The following ACSM2B variants were observed in gnomAD, a reference collection of about 807,000 sequenced individuals.
ACSM2B encodes acyl-CoA synthetase medium chain family member 2B.
A neutral mutation model predicts 78.6 loss-of-function variants in ACSM2B; 58 were observed. The observed-to-expected ratio is 0.74, with a 90% confidence interval of 0.60 to 0.92. The LOEUF is 0.92. Ranked by LOEUF, ACSM2B falls within the 40% of genes least tolerant of loss-of-function variation. The pLI, the probability that ACSM2B is intolerant of heterozygous loss-of-function variation, is 0.00. For missense variants in ACSM2B, 688 were observed against 711.2 expected, an observed-to-expected ratio of 0.97 and a Z score of 0.37; for synonymous variants, 257 against 256.8, an observed-to-expected ratio of 1.00 and a Z score of -0.01.
At chr16:20,546,985 C>T (rs1177656366) in intron 8 of ACSM2B, 7 of 416,384 alleles carry the variant, frequency 1.7e-5, no homozygotes, top group African/African-American at 2.1e-5. Flanking sequence ...AAAGTATCTC[C>T]CATGGCAGCA....
intron 7 of ACSM2B, 85 bp from the exon 8 acceptor site, chr16:20,548,270 A>G (rs1044651606): frequency 3.0e-5 from 49 of 1,608,910 alleles, no homozygotes; most frequent in Non-Finnish European, 4.0e-5. Flanking sequence ...GGGTGCTTTG[A>G]TGATGCAAAT....
intron 1 of ACSM2B, among the ~76,000 whole-genome samples, chr16:20,570,180 T>G (rs2016054546): frequency 6.6e-6 from 1 of 151,854 alleles, no homozygotes; most frequent in Non-Finnish European, 1.5e-5. Context: ...CATTCACTAT[T>G]ATGTTGCCTG....
chr16:20,566,741 C>CTG lies in ACSM2B; in HGVS notation c.-8-1889_-8-1888insCA, dbSNP rs1269373418. On this transcript the variant is annotated intron_variant, in intron 1 of 13. Transcript: ENST00000329697. ...TAGTATATACTATATATAGTATATA[C>CTG]TATATATACTATATATAGTATATAT... Among the ~76,000 whole-genome samples, 945 of 44,794 alleles carry CTG rather than the reference C, an allele frequency of 0.021. 81 individuals are homozygous for CTG. The East Asian group carries it at 0.3, about 14-fold the overall frequency. 29.4% of individuals were successfully genotyped at this position (44,794 alleles called of 152,430 possible).
chr16:20,551,661 T>C (rs986214259), intron 6 of ACSM2B, among the ~76,000 whole-genome samples: 3 of 152,110 alleles, frequency 2.0e-5, no homozygotes, highest in Admixed American at 2.0e-4. Context: ...CTAACACAGC[T>C]AAATTATTTT....
intron 3 of ACSM2B, among the ~76,000 whole-genome samples, chr16:20,557,257 A>T (rs181224825): frequency 2.0e-5 from 3 of 152,328 alleles, no homozygotes; most frequent in Non-Finnish European, 4.4e-5. Context: ...CAACATGCCC[A>T]AATTGAACTT....
chr16:20,569,294 A>ATGGT (rs2016025939), intron 1 of ACSM2B, among the ~76,000 whole-genome samples: 1 of 151,966 alleles, frequency 6.6e-6, no homozygotes, highest in Admixed American at 6.6e-5. Flanking sequence ...CTTGCCAATT[A>ATGGT]TCCCAGAACC....
intron 10 of ACSM2B, 137 bp from the exon 11 acceptor site, chr16:20,543,399 C>T: frequency 5.3e-6 from 8 of 1,514,214 alleles, no homozygotes; most frequent in East Asian, 2.3e-5. Flanking sequence ...GCAGACATGC[C>T]CTGAACCAGC....
chr16:20,557,290 A>G (rs573442235), intron 3 of ACSM2B, among the ~76,000 whole-genome samples: 3 of 152,156 alleles, frequency 2.0e-5, no homozygotes, highest in Admixed American at 2.0e-4. Context: ...TAACATACCC[A>G]TACCTCTTTC....
chr16:20,555,498 A>G lies in ACSM2B; in HGVS notation c.389-22T>C, dbSNP rs530540459. On this transcript the variant is annotated intron_variant, in intron 3 of 13. Coordinates refer to ENST00000329697, the MANE Select transcript of ACSM2B (RefSeq NM_001105069.2). ...AGACCTAAAGAAGCCAACAATTTAGAGAATTGGAAAGGATGGTTTTCTTTG... is the reference window on the plus strand; with the variant it reads ...AGACCTAAAGAAGCCAACAATTTAGGGAATTGGAAAGGATGGTTTTCTTTG... The G allele has an allele frequency of 2.5e-6, 4 of 1,611,010 alleles. No individual in the cohort carries two copies. The African/African-American group carries it at 5.3e-5, about 22-fold the overall frequency.
intron 8 of ACSM2B, chr16:20,547,578 G>C: frequency 1.0e-6 from 1 of 992,018 alleles, no homozygotes; most frequent in Non-Finnish European, 1.2e-6. Context: ...GACCTCAAGA[G>C]TTCCAAGAAG....
At chr16:20,568,715 C>G (rs1444731330) in intron 1 of ACSM2B, among the ~76,000 whole-genome samples, 1 of 151,746 alleles carries the variant, frequency 6.6e-6, no homozygotes. Flanking sequence ...TCACCACATC[C>G]ACACCAACAT....
Position 20,540,987 on chromosome 16 carries a change from T to C in ACSM2B, c.1510-214A>G, listed in dbSNP as rs1596702772. 5.7e-6 allele frequency: 3 copies of C among 527,954 alleles called. No individual in the cohort carries two copies. The East Asian group carries it at 1.1e-4, about 19-fold the overall frequency. The allele number at this position is 527,954 out of a possible 1,614,324, so 32.7% of individuals were successfully genotyped here. A position where few individuals can be genotyped will look rare whatever the true frequency, so the allele number is the denominator to read the frequency against. On this transcript the variant is annotated intron_variant, in intron 12 of 13. Transcript: ENST00000329697. ...ATTGGAGGAGCAGGTGGACAATAGA[T>C]TGAGACCAGGCTCACCTCATGCTCC...
intron 2 of ACSM2B, among the ~76,000 whole-genome samples, chr16:20,563,712 C>T (rs577092831): frequency 6.6e-6 from 1 of 151,832 alleles, no homozygotes; most frequent in South Asian, 2.1e-4. Flanking sequence ...AAGGCATTTG[C>T]AATCTCCACA....
intron 1 of ACSM2B, among the ~76,000 whole-genome samples, chr16:20,566,718 G>GTATATACTATATATAGTATATACTA (rs1567218520): frequency 5.8e-3 from 29 of 4,986 alleles, no homozygotes; most frequent in Admixed American, 7.5e-3. Context: ...AGTATATATA[G>GTATATACTATATATAGTATATACTA]TATATACTAT....
At chr16:20,552,320 T>C (rs2015339794) in intron 5 of ACSM2B, 23 bp from the exon 6 acceptor site, 1 of 1,601,710 alleles carries the variant, frequency 6.2e-7, no homozygotes. Context: ...ACAAAACACA[T>C]GTACATATAG....
At chr16:20,549,339 T>A (rs537177701) in intron 6 of ACSM2B, among the ~76,000 whole-genome samples, 1 of 152,162 alleles carries the variant, frequency 6.6e-6, no homozygotes, top group African/African-American at 2.4e-5. Flanking sequence ...AAGTCCAAGG[T>A]CAAGAAGCTG....
At chr16:20,543,591 T>C (rs577051474) in intron 10 of ACSM2B, among the ~76,000 whole-genome samples, 109 of 152,328 alleles carry the variant, frequency 7.2e-4, no homozygotes, top group Non-Finnish European at 1.1e-3. Context: ...CTAATCTCTG[T>C]TCACTCCATA....
Position 20,545,227 on chromosome 16 carries a change from G to A in ACSM2B, c.1211C>T (p.Pro404Leu). Residue 404 changes from proline (P) to leucine (L), a missense_variant, in exon 10 of 14, where the codon CCC (proline) becomes CTC (leucine). Physicochemically the swap from Pro to Leu is moderately conservative, Grantham distance 98. Coordinates refer to ENST00000329697, the MANE Select transcript of ACSM2B (RefSeq NM_001105069.2). The part of the protein sequence containing the change: ...VIDDKGNVLP[P>L]GTEGDIGIRV... ...GATGCCAATGTCTCCTTCTGTGCCG[G>A]GGGGCAGGACGTTGCCCTTATCATC... The A allele has an allele frequency of 1.2e-6, 2 of 1,613,952 alleles. No homozygotes were observed. The highest frequency in any genetic ancestry group is 1.7e-6 in the Non-Finnish European group (2 of 1,179,886).
Position 20,540,685 on chromosome 16 carries a change from G to T in ACSM2B, c.1598C>A (p.Ser533Ter). 6.2e-7 allele frequency: 1 copy of T among 1,614,110 alleles called. No homozygotes were observed. Among genetic ancestry groups the T allele is most frequent in the Non-Finnish European group, 8.5e-7 (1 of 1,179,992 alleles). ...TGGGTACTTGTATGGGGCTGTCACT[G>T]ACTTCACATGCTGCTGCAGCTCCTT... Reference protein sequence around the residue: ...LTKELQQHVKSVTAPYKYPRK... With the variant: ...LTKELQQHVK The change falls in exon 13 of 14, where the codon TCA becomes TAA. Residue 533 changes from serine (S) to a stop codon, truncating the protein, a stop_gained. Transcript: ENST00000329697. LOFTEE classifies it high-confidence loss of function.
Sources: allele counts gnomAD v4.1 joint callset (sites outside exome capture counted in the v4.1 genomes callset), GRCh38; gene constraint gnomAD v4.1.1; transcripts MANE v1.5; gene names NCBI Gene and HGNC (gene_info 2026-07-23, HGNC 2026-07-21).